Variants in TPO observed in about 807,000 individuals in gnomAD.
TPO encodes the protein thyroid microsomal antigen.
TPO carries 78 observed loss-of-function variants against 96.9 expected under a neutral mutation model. The ratio of observed to expected loss-of-function variants is 0.81; its 90% CI spans 0.67 to 0.97. TPO has a LOEUF of 0.97. TPO is among the 50% of genes least tolerant of loss of function. The pLI is 0.00. For synonymous variants in TPO, 547 were observed against 538.0 expected (o/e 1.02, Z -0.23); for missense variants, 1,252 against 1,274.8 (o/e 0.98, Z 0.27).
At chr2:1,470,287 T>C (rs1190239774) in intron 7 of TPO, among the ~76,000 whole-genome samples, 1 of 152,102 alleles carries the variant, frequency 6.6e-6, no homozygotes, top group African/African-American at 2.4e-5. Flanking sequence ...CCGGAATACT[T>C]AGATCCAAAT....
chr2:1,540,779 C>G, intron 16 of TPO, 56 bp downstream of exon 16: 1 of 1,612,972 alleles, frequency 6.2e-7, no homozygotes, highest in Non-Finnish European at 8.5e-7. Flanking sequence ...TGGACAGGAT[C>G]TGGGTGTCGG....
chr2:1,411,523 C>T (rs1027468896), upstream of TPO, among the ~76,000 whole-genome samples: 1 of 152,222 alleles, frequency 6.6e-6, no homozygotes, highest in African/African-American at 2.4e-5. Context: ...ATTTGCCCCA[C>T]GCTGTCTCAT....
rs139864401 is a variant in TPO at position 1,420,419 on chromosome 2, G to T, written c.95-2626G>T. On this transcript the variant is annotated intron_variant, in intron 2 of 16. Transcript: ENST00000329066. ...AGCCCTGAAGAGACTCTCAGTGATAGGATGCATATACACAGGTGGTGTGAG... is the reference window on the plus strand; with the variant it reads ...AGCCCTGAAGAGACTCTCAGTGATATGATGCATATACACAGGTGGTGTGAG... Among the ~76,000 whole-genome samples the T allele has an allele frequency of 1.1e-3, 165 of 152,280 alleles. 1 individual carries two copies. The highest frequency in any genetic ancestry group is 3.7e-3 in the African/African-American group (154 of 41,550).
intron 5 of TPO, among the ~76,000 whole-genome samples, chr2:1,448,054 C>T (rs10197112): frequency 0.069 from 10,517 of 152,200 alleles, 625 homozygotes; most frequent in African/African-American, 0.15. Context: ...GAAGAGAGGC[C>T]GGCTTCAGCC....
chr2:1,379,260 G>A (rs143485169), intron 1 of TPO, among the ~76,000 whole-genome samples: 118 of 151,934 alleles, frequency 7.8e-4, no homozygotes, highest in Middle Eastern at 3.4e-3. Flanking sequence ...AGCCGAGGTC[G>A]CGCCACTGCA....
rs560928216 is a variant in TPO at position 1,525,180 on chromosome 2, C to G, written c.2618+8198C>G. Among the ~76,000 whole-genome samples, 7 of 129,130 alleles carry G rather than the reference C, an allele frequency of 5.4e-5. No homozygotes were observed. In the East Asian group the frequency reaches 1.6e-3, roughly 30 times the overall value. The allele number at this position is 129,130 out of a possible 152,430, so 84.7% of individuals were successfully genotyped here. On this transcript the variant is annotated intron_variant, in intron 15 of 16. Coordinates refer to ENST00000329066, the MANE Select transcript of TPO (RefSeq NM_001206744.2). ...ACCTCCTCAAGTCCCCCACTGTGTGCAATCCGCCCAAGTCCCCCCACTGTG... is the reference window on the plus strand; with the variant it reads ...ACCTCCTCAAGTCCCCCACTGTGTGGAATCCGCCCAAGTCCCCCCACTGTG...
intron 3 of TPO, among the ~76,000 whole-genome samples, chr2:1,427,592 G>A (rs532920098): frequency 1.1e-4 from 17 of 152,194 alleles, no homozygotes; most frequent in Admixed American, 5.2e-4. Flanking sequence ...TCCACCTGCC[G>A]TGAGAGTGGG....
rs535890505 is a variant in TPO at position 1,493,015 on chromosome 2, G to A, written c.1769-787G>A. On this transcript the variant is annotated intron_variant, in intron 10 of 16. Coordinates refer to ENST00000329066, the MANE Select transcript of TPO (RefSeq NM_001206744.2). ...AGGGGCACGAGTGTCAGGCAAAGGC[G>A]CAGCCACAGAGTCAGACCATGGACG... Among the ~76,000 whole-genome samples, 618 of 152,220 alleles carry A rather than the reference G, an allele frequency of 4.1e-3. 4 individuals are homozygous for A. The highest frequency in any genetic ancestry group is 0.014 in the African/African-American group (584 of 41,550).
intron 15 of TPO, among the ~76,000 whole-genome samples, chr2:1,538,587 T>C (rs1337943083): frequency 2.0e-5 from 3 of 152,254 alleles, no homozygotes; most frequent in African/African-American, 4.8e-5. Flanking sequence ...ATTTCTATTA[T>C]GCAGCAAATT....
chr2:1,540,642 A>C lies in TPO; in HGVS notation c.2667A>C (p.Gly889=), dbSNP rs745575581. Residue 889 remains glycine, a synonymous_variant, in exon 16 of 17, where the codon GGA becomes GGC. Coordinates refer to ENST00000329066, the MANE Select transcript of TPO (RefSeq NM_001206744.2). ...CACTGCCCATCTCGGAGACAGGCGG[A>C]GGAACTCCCGAGCTGAGATGCGGAA... ...KSTLPISETG[G]GTPELRCGKH... The C allele has an allele frequency of 9.9e-6, 16 of 1,613,438 alleles. No individual in the cohort carries two copies. The highest frequency in any genetic ancestry group is 1.4e-5 in the Non-Finnish European group (16 of 1,180,024).
At chr2:1,436,468 C>A (rs981789027) in intron 5 of TPO, 84 bp downstream of exon 5, 1 of 1,590,802 alleles carries the variant, frequency 6.3e-7, no homozygotes, top group Non-Finnish European at 8.6e-7. Flanking sequence ...ACTTCTACCA[C>A]CACTGGTGGA....
chr2:1,506,285 G>A (rs904749031), intron 14 of TPO, among the ~76,000 whole-genome samples: 13 of 150,906 alleles, frequency 8.6e-5, no homozygotes, highest in African/African-American at 3.2e-4. Flanking sequence ...GTCTATCATT[G>A]TTGGACATTT....
intron 5 of TPO, among the ~76,000 whole-genome samples, chr2:1,436,943 C>G (rs1665634031): frequency 6.6e-6 from 1 of 152,212 alleles, no homozygotes; most frequent in African/African-American, 2.4e-5. Flanking sequence ...CCTCAGTCCC[C>G]ACTGCACTCA....
At chr2:1,488,107 C>T (rs1399083468) in intron 10 of TPO, 116 bp downstream of exon 10, 1 of 1,449,264 alleles carries the variant, frequency 6.9e-7, no homozygotes, top group African/African-American at 1.4e-5. Flanking sequence ...CTGAGGCCTT[C>T]TAAGCAACGG....
intron 1 of TPO, among the ~76,000 whole-genome samples, chr2:1,376,032 C>A (rs1661717393): frequency 6.6e-6 from 1 of 152,238 alleles, no homozygotes; most frequent in South Asian, 2.1e-4. Context: ...GCTGCGTTTG[C>A]TGGACATGGG....
rs1558452607 is a variant in TPO, at chr2:1,543,213, T to A, written c.*739T>A. 6.6e-6 allele frequency: 1 copy of A among 152,538 alleles called. No individual in the cohort carries two copies. The highest frequency in any genetic ancestry group is 2.4e-5 in the African/African-American group (1 of 41,420). The allele number at this position is 152,538 out of a possible 1,614,324, so 9.4% of individuals were successfully genotyped here. ...GGGCACCGTTAGCCACGCGACCCTG[T>A]AAAGCTGCCGTCCTCATTTCACATG... On this transcript the variant is annotated 3_prime_UTR_variant, in exon 17 of 17. Transcript: ENST00000329066.
chr2:1,484,849 G>A lies in TPO; in HGVS notation c.1592G>A (p.Arg531His), dbSNP rs560609999. The change falls in exon 9 of 17, where the codon CGT (arginine) becomes CAT (histidine). Residue 531 changes from arginine to histidine, a missense_variant. Physicochemically the swap from Arg to His is conservative, Grantham distance 29 (BLOSUM62 0). Coordinates refer to ENST00000329066, the MANE Select transcript of TPO (RefSeq NM_001206744.2). ...TTCTTCAGCCCATGGACATTACTCC[G>A]TGGAGGTGAGTGAGTGCGGTCCCTG... is the stretch of plus-strand genomic sequence containing the variant. ...QAFFSPWTLL[R>H]GGGLDPLIRG... 4.0e-5 allele frequency: 64 copies of A among 1,613,744 alleles called. No individual in the cohort carries two copies. Among genetic ancestry groups the A allele is most frequent in the South Asian group, 2.0e-4 (18 of 91,076 alleles).
At position 1,536,820 on chromosome 2, in the gene TPO, CCCACT is replaced by C. The variant is rs770400380; in HGVS notation, c.2619-3773_2619-3769del. Among the ~76,000 whole-genome samples the C allele has an allele frequency of 5.8e-3, 584 of 100,168 alleles. 8 individuals are homozygous for C. The highest frequency in any genetic ancestry group is 7.0e-3 in the East Asian group (21 of 2,980). The allele number at this position is 100,168 out of a possible 152,430, so 65.7% of individuals were successfully genotyped here. On this transcript the variant is annotated intron_variant, in intron 15 of 16. Transcript: ENST00000329066. ...ATCTGTGCAACCTCCCCAAATCCCC[CCCACT>C]GTGTGCAACCTCCCCAAATCCCGCC...
At chr2:1,493,209 T>TGGGGGGGGGGGGGGG (rs3036079) in intron 10 of TPO, among the ~76,000 whole-genome samples, 2 of 17,492 alleles carry the variant, frequency 1.1e-4, no homozygotes, top group Non-Finnish European at 1.4e-4. Context: ...TGTGAGTGGG[T>TGGGGGGGGGGGGGGG]GGGGGGGGGG....
Sources: allele counts gnomAD v4.1 joint callset (sites outside exome capture counted in the v4.1 genomes callset), GRCh38; gene constraint gnomAD v4.1.1; transcripts MANE v1.5; gene names NCBI Gene and HGNC (gene_info 2026-07-23, HGNC 2026-07-21).